TRPM7: variants seen among roughly 807,000 people sequenced by gnomAD.
The protein encoded by TRPM7 is transient receptor potential cation channel subfamily M member 7, also known as LTRPC ion channel family member 7.
Under a neutral mutation model 229.7 loss-of-function variants are expected in TRPM7, and 134 were observed. The observed-to-expected ratio is 0.58, with a 90% CI of 0.51 to 0.67. The LOEUF (loss-of-function observed/expected upper bound fraction) is 0.67. Among genes scored for constraint, TRPM7 ranks in the 30% least tolerant of loss-of-function variants. The pLI is 0.00. For synonymous variants in TRPM7, 699 were observed against 715.2 expected, an observed-to-expected ratio of 0.98 and a Z score of 0.36; for missense variants, 1,901 against 2,210.0, an observed-to-expected ratio of 0.86 and a Z score of 2.80.
chr15:50,619,277 G>C (rs1454393010), intron 13 of TRPM7, among the ~76,000 whole-genome samples: 2 of 149,774 alleles, frequency 1.3e-5, no homozygotes, highest in Non-Finnish European at 3.0e-5. Context: ...CTGGAATGCA[G>C]TGGCAAGATC....
At position 50,557,885 on chromosome 15, in the gene TRPM7, C is replaced by T. The variant is rs529364074; in HGVS notation, c.*3793G>A. ...TCTTGAACTCCTGACCTCAGATGAT[C>T]CACCCACCTTGGCCTCCCAAAGTGA... On this transcript the variant is annotated 3_prime_UTR_variant, in exon 39 of 39. Coordinates refer to ENST00000646667, the MANE Select transcript of TRPM7 (RefSeq NM_017672.6). 1 of 152,218 alleles carries T rather than the reference C, an allele frequency of 6.6e-6. No homozygotes were observed. Among genetic ancestry groups the T allele is most frequent in the Admixed American group, 6.5e-5 (1 of 15,286 alleles). The allele number at this position is 152,218 out of a possible 1,614,324, so 9.4% of individuals were successfully genotyped here. A position where few individuals can be genotyped will look rare whatever the true frequency, so the allele number is the denominator to read the frequency against.
rs544861703 is a variant in TRPM7, at chr15:50,607,294, A to C, written c.2615T>G (p.Phe872Cys). Reference protein sequence around the residue: ...AYLGFLMLYTFVVLVQMEQLP... With the variant: ...AYLGFLMLYTCVVLVQMEQLP... The stretch of plus-strand genomic sequence containing the variant: ...CTGTTCCATTTGTACAAGAACCACA[A>C]ATGTATAAAGCATCAGAAATCCTAA... The change falls in exon 20 of 39, where the codon TTT (phenylalanine) becomes TGT (cysteine). Residue 872 changes from phenylalanine (F) to cysteine (C), a missense_variant. By Grantham distance (205) the Phe-to-Cys change is radical. Around this residue, in one of 8 missense-constraint regions of TRPM7, gnomAD observed 207 missense variants for 241.5 expected, o/e 0.86. Transcript: ENST00000646667. The C allele has an allele frequency of 1.9e-6, 3 of 1,604,656 alleles. No individual in the cohort carries two copies. In the Admixed American group the frequency reaches 5.1e-5, roughly 27 times the overall value.
intron 4 of TRPM7, among the ~76,000 whole-genome samples, chr15:50,644,502 CA>C (rs1429771427): frequency 1.3e-5 from 2 of 152,134 alleles, no homozygotes; most frequent in Non-Finnish European, 2.9e-5. Flanking sequence ...TCAGTACTGA[CA>C]AACAAATGAA....
chr15:50,679,882 T>G (rs949317908), intron 1 of TRPM7, among the ~76,000 whole-genome samples: 2 of 151,996 alleles, frequency 1.3e-5, no homozygotes, highest in African/African-American at 4.8e-5. Context: ...AGAAATCTAT[T>G]TAATGACTTT....
intron 38 of TRPM7, among the ~76,000 whole-genome samples, chr15:50,568,614 T>C (rs1277799445): frequency 6.6e-6 from 1 of 152,160 alleles, no homozygotes; most frequent in Admixed American, 6.6e-5. Context: ...TCTGGAGCCA[T>C]GCATCCTGGC....
At chr15:50,603,927 T>A (rs1232270998) in intron 21 of TRPM7, 1 of 152,224 alleles carries the variant, frequency 6.6e-6, no homozygotes, top group Admixed American at 6.5e-5. Context: ...TTCATACACA[T>A]CTTGAGAGAT....
rs1467907544 is a variant in TRPM7 at position 50,575,213 on chromosome 15, C to T, written c.4736-78G>A. On this transcript the variant is annotated intron_variant, in intron 33 of 38. Coordinates refer to ENST00000646667, the MANE Select transcript of TRPM7 (RefSeq NM_017672.6). ...ACAAAGTAAAATAAAAATTAGCAGGCATCTTTGATTAAGGAACAGAAGATA... is the reference window on the plus strand; with the variant it reads ...ACAAAGTAAAATAAAAATTAGCAGGTATCTTTGATTAAGGAACAGAAGATA... 3 of 1,286,152 alleles carry T rather than the reference C, an allele frequency of 2.3e-6. No individual in the cohort carries two copies. The East Asian group carries it at 7.2e-5, about 31-fold the overall frequency. The allele number at this position is 1,286,152 out of a possible 1,614,324, so 79.7% of individuals were successfully genotyped here. A position where few individuals can be genotyped will look rare whatever the true frequency, so the allele number is the denominator to read the frequency against.
In TRPM7 at chr15:50,594,416, A is replaced by G. The variant is rs2059584665; in HGVS notation, c.3475+13T>C. On this transcript the variant is annotated intron_variant, in intron 24 of 38. Coordinates refer to ENST00000646667, the MANE Select transcript of TRPM7 (RefSeq NM_017672.6). Reference sequence around the variant, plus strand: ...ATAAAATGAAAACATTTGCCTTAATATAGTTTACTTACTTGGTCCATCGGA... The same window carrying G: ...ATAAAATGAAAACATTTGCCTTAATGTAGTTTACTTACTTGGTCCATCGGA... The G allele has an allele frequency of 1.3e-6, 2 of 1,592,440 alleles. No homozygotes were observed. The highest frequency in any genetic ancestry group is 1.4e-5 in the African/African-American group (1 of 73,998).
chr15:50,570,262 AATC>A (rs1272370150), intron 36 of TRPM7, 107 bp from the exon 37 acceptor site: 1 of 772,670 alleles, frequency 1.3e-6, no homozygotes, highest in Non-Finnish European at 2.0e-6. Context: ...TAGTATCATC[AATC>A]ATTACAATGT....
At chr15:50,566,119 C>T (rs2053587928) in intron 38 of TRPM7, among the ~76,000 whole-genome samples, 1 of 152,056 alleles carries the variant, frequency 6.6e-6, no homozygotes, top group Non-Finnish European at 1.5e-5. Context: ...GCCACTGAAC[C>T]CAGCTCCATA....
At chr15:50,686,107 T>G (rs2062354029) in intron 1 of TRPM7, among the ~76,000 whole-genome samples, 2 of 152,348 alleles carry the variant, frequency 1.3e-5, no homozygotes, top group South Asian at 4.1e-4. Context: ...CATGTAAAAC[T>G]TGAGCAGAGC....
Position 50,599,312 on chromosome 15 carries a change from C to T in TRPM7, c.2989-16G>A. On this transcript the variant is annotated splice_polypyrimidine_tract_variant and intron_variant, in intron 21 of 38. Transcript: ENST00000646667. Reference sequence around the variant, plus strand: ...TATTGGCCACCTGTTAAAAAATGAACACTGTTAAAATACAAGGAAGTTTAA... The same window carrying T: ...TATTGGCCACCTGTTAAAAAATGAATACTGTTAAAATACAAGGAAGTTTAA... 1.3e-6 allele frequency: 2 copies of T among 1,581,154 alleles called. No individual in the cohort carries two copies. The highest frequency in any genetic ancestry group is 1.7e-4 in the Middle Eastern group (1 of 5,848).
In TRPM7 at chr15:50,650,192, CAAAAAAAAAAAAAA is replaced by C. The variant is rs59579538; in HGVS notation, c.123-1321_123-1308del. ...TGGGTGAAAGAGTGAGACTTTGTCT[CAAAAAAAAAAAAAA>C]AAAAAAAAAAAAAAAGAATAACTAC... On this transcript the variant is annotated intron_variant, in intron 3 of 38. Coordinates refer to ENST00000646667, the MANE Select transcript of TRPM7 (RefSeq NM_017672.6). Among the ~76,000 whole-genome samples the C allele has an allele frequency of 4.8e-5, 3 of 62,292 alleles. 1 individual carries two copies. The highest frequency in any genetic ancestry group is 4.7e-4 in the Admixed American group (2 of 4,282). 40.9% of individuals were successfully genotyped at this position (62,292 alleles called of 152,430 possible).
intron 10 of TRPM7, among the ~76,000 whole-genome samples, chr15:50,629,813 A>G (rs930592223): frequency 6.6e-6 from 1 of 151,990 alleles, no homozygotes; most frequent in Admixed American, 6.6e-5. Context: ...AATACACAGA[A>G]AAGTACATGG....
At chr15:50,662,637 C>T (rs962066575) in intron 2 of TRPM7, among the ~76,000 whole-genome samples, 2 of 152,234 alleles carry the variant, frequency 1.3e-5, no homozygotes, top group Admixed American at 1.3e-4. Context: ...TTTAAGTTCC[C>T]AATATCAGTG....
At chr15:50,675,197 G>A (rs1483222712) in intron 1 of TRPM7, among the ~76,000 whole-genome samples, 3 of 152,086 alleles carry the variant, frequency 2.0e-5, no homozygotes, top group Admixed American at 6.6e-5. Context: ...ATAAAAATTA[G>A]CTGGGCATGG....
chr15:50,649,459 A>G (rs1282565607), intron 3 of TRPM7, among the ~76,000 whole-genome samples: 1 of 152,004 alleles, frequency 6.6e-6, no homozygotes, highest in Non-Finnish European at 1.5e-5. Flanking sequence ...AAAGAAAGAA[A>G]GAAAGAAAAA....
chr15:50,573,446 CT>C (rs1384738776), intron 36 of TRPM7, among the ~76,000 whole-genome samples: 1 of 152,224 alleles, frequency 6.6e-6, no homozygotes, highest in Non-Finnish European at 1.5e-5. Context: ...AGACATTTGA[CT>C]CCAGTCAAGC....
At chr15:50,658,521 G>C (rs913459569) in intron 2 of TRPM7, among the ~76,000 whole-genome samples, 13 of 150,564 alleles carry the variant, frequency 8.6e-5, no homozygotes, top group African/African-American at 3.2e-4. Flanking sequence ...AGTGAGCCAT[G>C]ATCATGCCCC....
Sources: allele counts gnomAD v4.1 joint callset (sites outside exome capture counted in the v4.1 genomes callset), GRCh38; gene constraint gnomAD v4.1.1; regional missense constraint gnomAD v4.1.1; transcripts MANE v1.5; gene names NCBI Gene and HGNC (gene_info 2026-07-23, HGNC 2026-07-21).